The following FUS variants were observed in gnomAD, a reference collection of about 807,000 sequenced individuals.
FUS encodes FUS RNA binding protein.
Under a neutral mutation model 82.7 loss-of-function variants are expected in FUS, and 5 were observed. The ratio of observed to expected loss-of-function variants is 0.06; its 90% CI spans 0.03 to 0.13. The LOEUF is 0.13. Ranked by LOEUF, FUS falls within the 10% of genes least tolerant of loss-of-function variation. The pLI is 1.00. For synonymous variants in FUS, 281 were observed against 247.4 expected, an observed-to-expected ratio of 1.14 and a Z score of -1.27; for missense variants, 512 against 707.8, an observed-to-expected ratio of 0.72 and a Z score of 3.14.
chr16:31,188,504 G>A (rs1479986064), intron 8 of FUS, 147 bp downstream of exon 8: 2 of 855,200 alleles, frequency 2.3e-6, no homozygotes, highest in African/African-American at 1.7e-5. Flanking sequence ...TTAGCAGTGA[G>A]AAGTATTTGT....
chr16:31,184,764 G>A (rs1239092368), intron 5 of FUS, among the ~76,000 whole-genome samples, 175 bp from the exon 6 acceptor site: 1 of 152,104 alleles, frequency 6.6e-6, no homozygotes, highest in African/African-American at 2.4e-5. Context: ...TTTTCTATAA[G>A]GATTTGTATT....
chr16:31,189,015 A>G (rs1567476120), intron 8 of FUS, 108 bp from the exon 9 acceptor site: 5 of 841,784 alleles, frequency 5.9e-6, no homozygotes, highest in South Asian at 2.7e-5. Flanking sequence ...GTTGTCTTCC[A>G]TAAACCAAAT....
At chr16:31,184,069 A>G in intron 4 of FUS, 67 bp downstream of exon 4, 1 of 1,612,720 alleles carries the variant, frequency 6.2e-7, no homozygotes, top group African/African-American at 1.3e-5. Flanking sequence ...TGATAAAGGG[A>G]CCAGCAGTAG....
rs940946647 is a variant in FUS, at chr16:31,185,409, A to G, written c.764+230A>G. On this transcript the variant is annotated intron_variant, in intron 6 of 14. Transcript: ENST00000254108. ...CACTGAATAGAGATTTTGAGTAATG[A>G]TACTTGTTTCCAAAAAAAAAGAAAC... is the stretch of plus-strand genomic sequence containing the variant. The G allele has an allele frequency of 9.3e-6, 6 of 647,576 alleles. No homozygotes were observed. The Admixed American group carries it at 1.0e-4, about 11-fold the overall frequency. 40.1% of individuals were successfully genotyped at this position (647,576 alleles called of 1,614,324 possible).
In FUS at chr16:31,189,143, A is replaced by G; in HGVS notation, c.853A>G (p.Asn285Asp). ...AGCAGAACAGGATAATTCAGACAAC[A>G]ACACCATCTTTGTGCAAGGCCTGGG... Reference protein sequence around the residue: ...HDSEQDNSDNNTIFVQGLGEN... With the variant: ...HDSEQDNSDNDTIFVQGLGEN... The change falls in exon 9 of 15, where the codon AAC becomes GAC. Residue 285 changes from asparagine to aspartate, a missense_variant. Around this residue, in one of 6 missense-constraint regions of FUS, gnomAD observed 51 missense variants for 72.2 expected, o/e 0.71. Transcript: ENST00000254108. The G allele has an allele frequency of 6.2e-7, 1 of 1,613,870 alleles. No individual in the cohort carries two copies. Among genetic ancestry groups the G allele is most frequent in the East Asian group, 2.2e-5 (1 of 44,872 alleles).
chr16:31,184,569 G>A (rs2079233485), intron 5 of FUS, among the ~76,000 whole-genome samples, 173 bp downstream of exon 5: 1 of 151,302 alleles, frequency 6.6e-6, no homozygotes, highest in Non-Finnish European at 1.5e-5. Flanking sequence ...TCAGCCTCCC[G>A]AGTAGCTGGG....
In FUS at chr16:31,184,022, G is replaced by A. The variant is rs201417716; in HGVS notation, c.335+20G>A. 21 of 1,613,858 alleles carry A rather than the reference G, an allele frequency of 1.3e-5. No individual in the cohort carries two copies. Among genetic ancestry groups the A allele is most frequent in the Admixed American group, 3.3e-5 (2 of 59,990 alleles). ...GGGAAGGTACGGTGGTGTTGATGTC[G>A]GGGAAGGCTTGAAAAGAGGGGTGAA... On this transcript the variant is annotated intron_variant, in intron 4 of 14. Transcript: ENST00000254108.
chr16:31,188,398 G>T, intron 8 of FUS, 41 bp downstream of exon 8: 1 of 1,606,722 alleles, frequency 6.2e-7, no homozygotes, highest in Non-Finnish European at 8.5e-7. Flanking sequence ...TGGCTAAAGT[G>T]GTATCAAGAC....
intron 7 of FUS, chr16:31,187,594 T>C (rs2079289140): frequency 4.3e-6 from 1 of 231,050 alleles, no homozygotes; most frequent in Non-Finnish European, 8.6e-6. Context: ...GGTTTCTTGA[T>C]TTGTTTCAAG....
chr16:31,191,668 G>C (rs1480393530), downstream of FUS: 2 of 697,046 alleles, frequency 2.9e-6, no homozygotes, highest in African/African-American at 3.5e-5. Flanking sequence ...GGAAGGTAGA[G>C]AGTTTTCCTG....
chr16:31,190,662 A>G (rs1015544668), intron 12 of FUS, 80 bp from the exon 13 acceptor site: 1 of 1,371,452 alleles, frequency 7.3e-7, no homozygotes, highest in Non-Finnish European at 1.0e-6. Flanking sequence ...TGTATCTCTA[A>G]AGTCACCGTA....
intron 1 of FUS, among the ~76,000 whole-genome samples, chr16:31,181,353 TA>T (rs753583316): frequency 2.1e-4 from 32 of 152,328 alleles, no homozygotes; most frequent in Non-Finnish European, 4.1e-4. Context: ...CTTGTTCGTG[TA>T]TCTTAAGTGG....
At chr16:31,186,516 G>T in intron 6 of FUS, 1 of 510,092 alleles carries the variant, frequency 2.0e-6, no homozygotes, top group Non-Finnish European at 3.6e-6. Flanking sequence ...CTGCTCCATC[G>T]GAAGAACGAC....
At position 31,184,944 on chromosome 16, in the gene FUS, T is replaced by C. The variant is rs776571209; in HGVS notation, c.529T>C (p.Tyr177His). 6.2e-7 allele frequency: 1 copy of C among 1,613,028 alleles called. No homozygotes were observed. The highest frequency in any genetic ancestry group is 1.7e-5 in the Admixed American group (1 of 59,982). ...GGGGGGGGGN[Y>H]GQDQSSMSSG... Reference sequence around the variant, plus strand: ...CATTCTTTCTTTTCTCACAGGTAACTATGGCCAAGATCAATCCTCCATGAG... The same window carrying C: ...CATTCTTTCTTTTCTCACAGGTAACCATGGCCAAGATCAATCCTCCATGAG... Residue 177 changes from tyrosine to histidine, a missense_variant, in exon 6 of 15, where the codon TAT (tyrosine) becomes CAT (histidine). Tyr to His is a moderately conservative substitution (Grantham distance 83). This residue lies in a region of FUS where 276 missense variants were observed against 303.3 expected (regional missense o/e 0.91). Transcript: ENST00000254108.
At chr16:31,193,790 C>G (rs1330454932), downstream of FUS, 2 of 524,144 alleles carry the variant, frequency 3.8e-6, no homozygotes, top group African/African-American at 3.8e-5. Context: ...TTCCTCGCTA[C>G]CACACCTGGG....
chr16:31,193,275 G>A, downstream of FUS: 1 of 511,846 alleles, frequency 2.0e-6, no homozygotes, highest in Non-Finnish European at 3.8e-6. Context: ...CTAAGCAACA[G>A]TAGGCGGAGA....
At chr16:31,185,391 TAG>T in intron 6 of FUS, 1 of 644,496 alleles carries the variant, frequency 1.6e-6, no homozygotes, top group Non-Finnish European at 2.7e-6. Flanking sequence ...TACCACTGAA[TAG>T]AGATTTTGAG....
At chr16:31,184,897 C>CT in intron 5 of FUS, 42 bp from the exon 6 acceptor site, 1 of 1,584,282 alleles carries the variant, frequency 6.3e-7, no homozygotes, top group Non-Finnish European at 8.7e-7. Flanking sequence ...ACTTTACAAT[C>CT]TTTTTGTTTT....
intron 6 of FUS, 190 bp downstream of exon 6, chr16:31,185,369 A>G: frequency 1.5e-6 from 1 of 669,118 alleles, no homozygotes; most frequent in Middle Eastern, 4.0e-4. Context: ...TGGGAGCCTG[A>G]ACTCCCATCC....
Sources: allele counts gnomAD v4.1 joint callset (sites outside exome capture counted in the v4.1 genomes callset), GRCh38; gene constraint gnomAD v4.1.1; regional missense constraint gnomAD v4.1.1; transcripts MANE v1.5; gene names NCBI Gene and HGNC (gene_info 2026-07-23, HGNC 2026-07-21).